The following RBMS3 variants were observed in gnomAD, a reference collection of about 807,000 sequenced individuals.
RBMS3 encodes RNA binding motif single stranded interacting protein 3.
A neutral mutation model predicts 66.8 loss-of-function variants in RBMS3; 27 were observed. The ratio of observed to expected loss-of-function variants is 0.40; its 90% CI spans 0.30 to 0.56. The LOEUF (loss-of-function observed/expected upper bound fraction) is 0.56. Among genes scored for constraint, RBMS3 ranks in the 20% least tolerant of loss-of-function variants. The pLI, the probability that RBMS3 is intolerant of heterozygous loss-of-function variation, is 0.40. For missense variants in RBMS3, 513 were observed against 549.5 expected, an observed-to-expected ratio of 0.93 and a Z score of 0.66; for synonymous variants, 188 against 183.0, an observed-to-expected ratio of 1.03 and a Z score of -0.22.
intron 1 of RBMS3, among the ~76,000 whole-genome samples, chr3:29,313,392 C>T (rs114386543): frequency 0.039 from 5,956 of 151,778 alleles, 136 homozygotes; most frequent in South Asian, 0.07. Flanking sequence ...ACAATAACTA[C>T]ATTTGCCAAG....
At chr3:29,877,257 T>C (rs1483680833) in intron 7 of RBMS3, among the ~76,000 whole-genome samples, 5 of 152,066 alleles carry the variant, frequency 3.3e-5, no homozygotes, top group African/African-American at 1.2e-4. Flanking sequence ...AGGAGAGAGA[T>C]AAAACCCTGG....
chr3:29,525,083 C>A (rs1444423992), intron 3 of RBMS3, among the ~76,000 whole-genome samples: 3 of 151,936 alleles, frequency 2.0e-5, no homozygotes, highest in Non-Finnish European at 4.4e-5. Context: ...CCTCTTCAGG[C>A]CACAGAGAGC....
Position 30,004,116 on chromosome 3 carries a change from A to T in RBMS3, c.*254A>T. The T allele has an allele frequency of 3.0e-6, 1 of 328,282 alleles. No individual in the cohort carries two copies. The allele number at this position is 328,282 out of a possible 1,614,324, so 20.3% of individuals were successfully genotyped here. ...AAAGAAAAAATTTCCAGAAGAGGAA[A>T]AAAAAACTACAAAAAACAAAACATT... On this transcript the variant is annotated 3_prime_UTR_variant, in exon 15 of 15. Coordinates refer to ENST00000383767, the MANE Select transcript of RBMS3 (RefSeq NM_001003793.3).
intron 10 of RBMS3, among the ~76,000 whole-genome samples, chr3:29,921,897 C>A (rs2060791188): frequency 6.6e-6 from 1 of 152,162 alleles, no homozygotes; most frequent in South Asian, 2.1e-4. Flanking sequence ...GACCCAGAGC[C>A]TCCTGCTGAA....
chr3:29,537,836 A>AG (rs1553618036), intron 3 of RBMS3, among the ~76,000 whole-genome samples: 10 of 151,006 alleles, frequency 6.6e-5, no homozygotes, highest in South Asian at 2.1e-4. Context: ...AAAAAAAAAA[A>AG]AAAGAAAGAA....
chr3:29,908,674 C>A (rs1031203124), intron 10 of RBMS3, among the ~76,000 whole-genome samples: 4 of 151,956 alleles, frequency 2.6e-5, no homozygotes, highest in African/African-American at 4.8e-5. Flanking sequence ...ATCATTGACT[C>A]CTCGTCTTAT....
chr3:29,894,987 A>G (rs993838904), intron 8 of RBMS3, among the ~76,000 whole-genome samples: 2 of 151,476 alleles, frequency 1.3e-5, no homozygotes, highest in Non-Finnish European at 3.0e-5. Context: ...CTAGTCAGCT[A>G]TGGAGAAAGG....
In RBMS3 at chr3:29,769,006, G is replaced by A. The variant is rs143388268; in HGVS notation, c.637+6017G>A. ...TGATTTAAAACCTTTGGCTATAAAG[G>A]AAGGTATTCACTTCACTAAAATAGT... On this transcript the variant is annotated intron_variant, in intron 6 of 14. Transcript: ENST00000383767. Among the ~76,000 whole-genome samples, 652 of 152,012 alleles carry A rather than the reference G, an allele frequency of 4.3e-3. 5 individuals carry two copies. The highest frequency in any genetic ancestry group is 0.015 in the African/African-American group (606 of 41,512).
intron 1 of RBMS3, among the ~76,000 whole-genome samples, chr3:29,291,641 G>A (rs1279739729): frequency 6.6e-6 from 1 of 151,790 alleles, no homozygotes; most frequent in Admixed American, 6.6e-5. Context: ...CAATTCTTCT[G>A]TCTCAAAATA....
chr3:29,677,474 AT>A (rs955180838), intron 4 of RBMS3, among the ~76,000 whole-genome samples: 36 of 151,434 alleles, frequency 2.4e-4, no homozygotes, highest in African/African-American at 7.8e-4. Context: ...GTCTTCATTA[AT>A]TTTTTTTTAG....
intron 6 of RBMS3, among the ~76,000 whole-genome samples, chr3:29,838,338 AAAAATAAAT>A (rs1255320884): frequency 6.6e-6 from 1 of 151,986 alleles, no homozygotes; most frequent in Admixed American, 6.6e-5. Flanking sequence ...GACCCTGTCC[AAAAATAAAT>A]AAAATAAATA....
At chr3:29,518,189 G>A (rs1216795600) in intron 3 of RBMS3, among the ~76,000 whole-genome samples, 3 of 152,172 alleles carry the variant, frequency 2.0e-5, no homozygotes, top group Non-Finnish European at 4.4e-5. Context: ...GGTGTAGCTA[G>A]CACCTGTATT....
intron 2 of RBMS3, among the ~76,000 whole-genome samples, chr3:29,483,328 A>G: frequency 6.6e-6 from 1 of 151,398 alleles, no homozygotes; most frequent in Non-Finnish European, 1.5e-5. Flanking sequence ...AAAAAAAAGA[A>G]AAAAGAAAAA....
chr3:29,371,463 G>C (rs1371069373), intron 1 of RBMS3, among the ~76,000 whole-genome samples: 1 of 152,164 alleles, frequency 6.6e-6, no homozygotes, highest in East Asian at 1.9e-4. Context: ...GAAACACACA[G>C]ACACACACAT....
chr3:29,388,722 T>C (rs753317896), intron 1 of RBMS3, among the ~76,000 whole-genome samples: 13 of 152,156 alleles, frequency 8.5e-5, no homozygotes, highest in East Asian at 5.8e-4. Flanking sequence ...ACCGCCACTA[T>C]GCCCAGCTAA....
At chr3:29,809,338 G>GAAA (rs5847597) in intron 6 of RBMS3, among the ~76,000 whole-genome samples, 10 of 146,330 alleles carry the variant, frequency 6.8e-5, no homozygotes, top group African/African-American at 5.0e-5. Flanking sequence ...TGATCAGTGG[G>GAAA]AAAAAAAAAA....
At chr3:29,741,582 T>C (rs952813170) in intron 5 of RBMS3, among the ~76,000 whole-genome samples, 3 of 152,192 alleles carry the variant, frequency 2.0e-5, no homozygotes, top group African/African-American at 4.8e-5. Flanking sequence ...GGGAAATAAA[T>C]GCATTTCAAA....
At chr3:29,875,291 G>A (rs1559759451) in intron 7 of RBMS3, among the ~76,000 whole-genome samples, 1 of 151,972 alleles carries the variant, frequency 6.6e-6, no homozygotes, top group Non-Finnish European at 1.5e-5. Context: ...AAAGAATATG[G>A]GTCAATTAGC....
chr3:29,333,985 G>A (rs565369531), intron 1 of RBMS3, among the ~76,000 whole-genome samples: 2 of 152,206 alleles, frequency 1.3e-5, no homozygotes, highest in Admixed American at 6.5e-5. Flanking sequence ...TGTATCTAGC[G>A]TTATGACCAT....
Sources: gnomAD v4.1 joint callset for allele counts (sites outside exome capture counted in the v4.1 genomes callset) on GRCh38, gnomAD v4.1.1 for gene constraint, MANE v1.5 for transcripts, NCBI Gene and HGNC (gene_info 2026-07-23, HGNC 2026-07-21) for gene names.